Variants in RBFOX1 observed in about 807,000 individuals in gnomAD.
RBFOX1 encodes the protein RNA binding protein fox-1 homolog 1.
A neutral mutation model predicts 57.7 loss-of-function variants in RBFOX1; 8 were observed. The ratio of observed to expected loss-of-function variants is 0.14; its 90% CI spans 0.08 to 0.25. The LOEUF (loss-of-function observed/expected upper bound fraction) is 0.25, where lower values mean the gene tolerates loss of function less well. Ranked by LOEUF, RBFOX1 falls within the 10% of genes least tolerant of loss-of-function variation. The pLI is 1.00. For synonymous variants in RBFOX1, 326 were observed against 222.4 expected (o/e 1.47, Z -4.15); for missense variants, 611 against 548.5 (o/e 1.11, Z -1.14).
chr16:6,516,259 C>T (rs1489853374), intron 2 of RBFOX1, among the ~76,000 whole-genome samples: 1 of 152,168 alleles, frequency 6.6e-6, no homozygotes, highest in African/African-American at 2.4e-5. Flanking sequence ...GAACTCCTGA[C>T]CTCAGGTGAG....
chr16:5,393,340 T>A (rs2066465259), intron 1 of RBFOX1, among the ~76,000 whole-genome samples: 1 of 152,192 alleles, frequency 6.6e-6, no homozygotes, highest in Admixed American at 6.5e-5. Flanking sequence ...CTTGGCAGCT[T>A]GGGTGTATCT....
intron 3 of RBFOX1, among the ~76,000 whole-genome samples, chr16:5,852,836 G>GA (rs905925053): frequency 4.0e-5 from 6 of 151,486 alleles, no homozygotes; most frequent in African/African-American, 9.7e-5. Context: ...TCTCTAAGGG[G>GA]AAAAAAAAGG....
intron 1 of RBFOX1, among the ~76,000 whole-genome samples, chr16:5,310,670 C>G (rs2064063206): frequency 6.6e-6 from 1 of 152,148 alleles, no homozygotes; most frequent in African/African-American, 2.4e-5. Context: ...GGTTAGTGCT[C>G]AGCTGGGGTG....
intron 3 of RBFOX1, among the ~76,000 whole-genome samples, chr16:6,767,938 T>TAAGAAGAAGAAG (rs1450877589): frequency 1.7e-3 from 145 of 84,758 alleles, no homozygotes; most frequent in Middle Eastern, 5.4e-3. Flanking sequence ...ATAATAATAA[T>TAAGAAGAAGAAG]AATAATAATA....
At chr16:5,549,058 T>C (rs916421606) in intron 2 of RBFOX1, among the ~76,000 whole-genome samples, 1 of 152,212 alleles carries the variant, frequency 6.6e-6, no homozygotes, top group Non-Finnish European at 1.5e-5. Context: ...GGTTTGTAGA[T>C]AGTATTCTGA....
intron 4 of RBFOX1, among the ~76,000 whole-genome samples, chr16:5,963,116 C>G (rs1044734076): frequency 1.3e-5 from 2 of 152,240 alleles, no homozygotes; most frequent in Admixed American, 6.5e-5. Context: ...TAAACTGTAG[C>G]TTTAAAAAGA....
chr16:6,759,206 A>G (rs2076242910), intron 3 of RBFOX1, among the ~76,000 whole-genome samples: 4 of 149,992 alleles, frequency 2.7e-5, no homozygotes, highest in African/African-American at 9.9e-5. Flanking sequence ...GCTGGAGTGC[A>G]GTGGCATAAC....
intron 1 of RBFOX1, among the ~76,000 whole-genome samples, chr16:6,060,145 T>TTTTTG (rs2095666754): frequency 9.6e-6 from 1 of 104,584 alleles, no homozygotes; most frequent in Non-Finnish European, 2.1e-5. Flanking sequence ...TTTTTTTTTT[T>TTTTTG]TTTTTTTTTT....
intron 3 of RBFOX1, among the ~76,000 whole-genome samples, chr16:6,960,549 C>G (rs1004794205): frequency 6.6e-6 from 1 of 152,070 alleles, no homozygotes; most frequent in Non-Finnish European, 1.5e-5. Flanking sequence ...TCACCTCTTT[C>G]TTGTATCTGT....
intron 3 of RBFOX1, among the ~76,000 whole-genome samples, chr16:6,889,234 C>T (rs764764): frequency 6.6e-6 from 1 of 152,168 alleles, no homozygotes; most frequent in East Asian, 1.9e-4. Flanking sequence ...GAAAGTGAGT[C>T]TTCTCCCACC....
intron 3 of RBFOX1, among the ~76,000 whole-genome samples, chr16:5,675,463 G>C (rs184918348): frequency 9.8e-5 from 15 of 152,298 alleles, no homozygotes; most frequent in Admixed American, 1.3e-4. Context: ...CTCAGCTCAC[G>C]TGCCCAGTGG....
intron 3 of RBFOX1, among the ~76,000 whole-genome samples, chr16:6,754,913 T>C (rs1333506481): frequency 6.6e-6 from 1 of 152,110 alleles, no homozygotes; most frequent in African/African-American, 2.4e-5. Context: ...GTCCATGTGT[T>C]CTCATTGTTC....
chr16:6,493,624 A>G (rs1028867708), intron 2 of RBFOX1, among the ~76,000 whole-genome samples: 1 of 152,222 alleles, frequency 6.6e-6, no homozygotes, highest in Admixed American at 6.5e-5. Context: ...AAAACACTGC[A>G]GTAACAAAAC....
chr16:5,305,107 G>C (rs1405217198), intron 1 of RBFOX1, among the ~76,000 whole-genome samples: 1 of 152,124 alleles, frequency 6.6e-6, no homozygotes, highest in Non-Finnish European at 1.5e-5. Flanking sequence ...GAACGAAGGT[G>C]GTGCGTGTTG....
intron 1 of RBFOX1, among the ~76,000 whole-genome samples, chr16:5,333,110 C>T (rs765871601): frequency 1.3e-5 from 2 of 151,730 alleles, no homozygotes; most frequent in African/African-American, 4.8e-5. Flanking sequence ...ATCGCTTGAA[C>T]CCAGGAGGTG....
chr16:5,816,686 AG>A (rs2055652537), intron 3 of RBFOX1, among the ~76,000 whole-genome samples: 1 of 152,094 alleles, frequency 6.6e-6, no homozygotes, highest in Non-Finnish European at 1.5e-5. Flanking sequence ...AGGGAGGCTG[AG>A]GTGGGAGGAT....
At chr16:5,972,047 C>A (rs748177451) in intron 4 of RBFOX1, among the ~76,000 whole-genome samples, 1 of 152,346 alleles carries the variant, frequency 6.6e-6, no homozygotes, top group South Asian at 2.1e-4. Flanking sequence ...AGCATGGGCT[C>A]TTTCTGGGTC....
intron 1 of RBFOX1, among the ~76,000 whole-genome samples, chr16:5,347,270 A>G (rs1041135262): frequency 2.0e-5 from 3 of 152,142 alleles, no homozygotes; most frequent in African/African-American, 7.2e-5. Context: ...ATTTTTGCTT[A>G]TACATTCAGT....
chr16:6,503,184 TTTA>T (rs1249670731), intron 2 of RBFOX1, among the ~76,000 whole-genome samples: 1 of 145,630 alleles, frequency 6.9e-6, no homozygotes, highest in Non-Finnish European at 1.5e-5. Context: ...ATGTGATTTT[TTTA>T]TTATTTGTTT....
Sources: gnomAD v4.1 joint callset for allele counts (sites outside exome capture counted in the v4.1 genomes callset) on GRCh38, gnomAD v4.1.1 for gene constraint, MANE v1.5 for transcripts, NCBI Gene and HGNC (gene_info 2026-07-23, HGNC 2026-07-21) for gene names.